The following STPG2 variants were observed in gnomAD, a reference collection of about 807,000 sequenced individuals.
The protein encoded by STPG2 is sperm-tail PG-rich repeat-containing protein 2.
STPG2 carries 56 observed loss-of-function variants against 54.2 expected under a neutral mutation model. That is an observed-to-expected ratio of 1.03 (90% CI 0.83 to 1.29). The LOEUF (loss-of-function observed/expected upper bound fraction) is 1.29. Ranked by LOEUF, STPG2 falls within the 50% of genes most tolerant of loss-of-function variation. The pLI, the probability that STPG2 is intolerant of heterozygous loss-of-function variation, is 0.00. For synonymous variants in STPG2, 200 were observed against 181.8 expected (o/e 1.10, Z -0.81); for missense variants, 596 against 544.9 (o/e 1.09, Z -0.93).
intron 5 of STPG2, among the ~76,000 whole-genome samples, chr4:98,032,211 T>C (rs1736619867): frequency 6.6e-6 from 1 of 152,162 alleles, no homozygotes; most frequent in Non-Finnish European, 1.5e-5. Flanking sequence ...AATCCCATTA[T>C]TGGTATCTAC....
intron 10 of STPG2, among the ~76,000 whole-genome samples, chr4:97,694,219 TCAAA>T (rs369694024): frequency 0.017 from 2,571 of 151,464 alleles, 32 homozygotes; most frequent in Non-Finnish European, 0.025. Flanking sequence ...AAAAGATAAA[TCAAA>T]CAAAAGGCCA....
chr4:97,960,778 G>A (rs1021320794), intron 7 of STPG2, among the ~76,000 whole-genome samples: 4 of 151,946 alleles, frequency 2.6e-5, no homozygotes, highest in Non-Finnish European at 5.9e-5. Flanking sequence ...ATTGCCAAAA[G>A]CAATCTATAA....
At chr4:97,639,548 C>A (rs937079624) in intron 10 of STPG2, among the ~76,000 whole-genome samples, 3 of 149,532 alleles carry the variant, frequency 2.0e-5, no homozygotes, top group African/African-American at 7.4e-5. Flanking sequence ...CTTCAAAAGT[C>A]TTAAGACAAA....
intron 4 of STPG2, among the ~76,000 whole-genome samples, chr4:97,444,747 A>G (rs1453403981): frequency 5.3e-5 from 8 of 152,148 alleles, no homozygotes; most frequent in African/African-American, 1.7e-4. Flanking sequence ...TAACTTAAGT[A>G]GGCTGGGTGC....
At chr4:97,669,058 G>A (rs1468871786) in intron 10 of STPG2, among the ~76,000 whole-genome samples, 3 of 151,942 alleles carry the variant, frequency 2.0e-5, no homozygotes, top group African/African-American at 7.3e-5. Flanking sequence ...AAAAAATCAG[G>A]AAGAAGTCGT....
At chr4:97,930,510 T>C (rs1284317058) in intron 8 of STPG2, among the ~76,000 whole-genome samples, 1 of 152,046 alleles carries the variant, frequency 6.6e-6, no homozygotes, top group Non-Finnish European at 1.5e-5. Flanking sequence ...TCATGTCTGG[T>C]CTCTCTTTTT....
chr4:97,695,423 A>C (rs942716679), intron 10 of STPG2, among the ~76,000 whole-genome samples: 1 of 152,202 alleles, frequency 6.6e-6, no homozygotes, highest in African/African-American at 2.4e-5. Flanking sequence ...ATTCTTCCTG[A>C]GAACTGGAAC....
chr4:97,737,706 C>T (rs543951942), intron 9 of STPG2, among the ~76,000 whole-genome samples: 3 of 152,244 alleles, frequency 2.0e-5, no homozygotes, highest in African/African-American at 7.2e-5. Context: ...AAATATGGGA[C>T]TATGTGAAAA....
At chr4:97,573,208 T>A (rs551931510) in intron 10 of STPG2, among the ~76,000 whole-genome samples, 6 of 152,212 alleles carry the variant, frequency 3.9e-5, no homozygotes, top group African/African-American at 1.2e-4. Context: ...TATAGCAAAC[T>A]TTTTATAATT....
intron 9 of STPG2, among the ~76,000 whole-genome samples, chr4:97,756,435 C>T (rs915839300): frequency 6.6e-6 from 1 of 152,124 alleles, no homozygotes; most frequent in African/African-American, 2.4e-5. Flanking sequence ...GATTCTCCTG[C>T]CTAAGCCACC....
intron 4 of STPG2, among the ~76,000 whole-genome samples, chr4:97,492,187 G>T (rs1433876407): frequency 6.6e-6 from 1 of 151,366 alleles, no homozygotes; most frequent in Non-Finnish European, 1.5e-5. Flanking sequence ...AAAGGGAAGA[G>T]AACTCCTTTC....
intron 10 of STPG2, among the ~76,000 whole-genome samples, chr4:97,593,413 A>G (rs563333703): frequency 1.3e-5 from 2 of 152,322 alleles, no homozygotes; most frequent in South Asian, 4.1e-4. Context: ...TCCTGGTGTC[A>G]GCGCATCCTG....
intron 9 of STPG2, among the ~76,000 whole-genome samples, chr4:97,825,032 GTTTT>G (rs890942277): frequency 6.7e-6 from 1 of 149,664 alleles, no homozygotes; most frequent in Non-Finnish European, 1.5e-5. Context: ...AAATTTAAAA[GTTTT>G]TTTTTTAAGA....
At chr4:97,623,734 C>A (rs1457984950) in intron 10 of STPG2, among the ~76,000 whole-genome samples, 2 of 152,088 alleles carry the variant, frequency 1.3e-5, no homozygotes, top group Non-Finnish European at 1.5e-5. Context: ...ATCAACCTAT[C>A]GCCTAGGTAT....
chr4:97,475,927 A>C (rs1175501528), intron 4 of STPG2, among the ~76,000 whole-genome samples: 2 of 151,740 alleles, frequency 1.3e-5, no homozygotes, highest in South Asian at 4.2e-4. Context: ...TTTTTTCTTT[A>C]CGCCACTTAC....
At chr4:97,856,747 G>A (rs6811940) in intron 8 of STPG2, among the ~76,000 whole-genome samples, 59,793 of 151,960 alleles carry the variant, frequency 0.39, 11,903 homozygotes, top group Middle Eastern at 0.46. Context: ...GGTTTTCAAG[G>A]GGAATGCTTC....
At chr4:97,803,932 TACCCC>T (rs1435795482) in intron 9 of STPG2, among the ~76,000 whole-genome samples, 1 of 152,174 alleles carries the variant, frequency 6.6e-6, no homozygotes, top group Non-Finnish European at 1.5e-5. Flanking sequence ...CAAATCACAG[TACCCC>T]ACCTAAACAA....
At chr4:97,787,800 A>AT (rs1425344121) in intron 9 of STPG2, among the ~76,000 whole-genome samples, 1 of 151,732 alleles carries the variant, frequency 6.6e-6, no homozygotes, top group Non-Finnish European at 1.5e-5. Context: ...AGATTTTCTA[A>AT]TTTTTTTGAG....
chr4:97,810,168 C>T (rs898935005), intron 9 of STPG2, among the ~76,000 whole-genome samples: 1 of 151,922 alleles, frequency 6.6e-6, no homozygotes, highest in African/African-American at 2.4e-5. Context: ...ATCCTAATAC[C>T]TAAAGAATGA....
Sources: gnomAD v4.1 joint callset for allele counts (sites outside exome capture counted in the v4.1 genomes callset) on GRCh38, gnomAD v4.1.1 for gene constraint, MANE v1.5 for transcripts, NCBI Gene and HGNC (gene_info 2026-07-23, HGNC 2026-07-21) for gene names.